The following ANK1 variants were observed in gnomAD, a reference collection of about 807,000 sequenced individuals.
ANK1 encodes the protein ankyrin-1.
In ANK1, 51 loss-of-function variants were observed where a neutral mutation model predicts 210.4. The observed-to-expected ratio is 0.24, with a 90% CI of 0.19 to 0.31. The LOEUF is 0.31. Ranked by LOEUF, ANK1 falls within the 10% of genes least tolerant of loss-of-function variation. The pLI is 1.00. For missense variants in ANK1, 2,051 were observed against 2,504.4 expected, an observed-to-expected ratio of 0.82 and a Z score of 3.86; for synonymous variants, 967 against 1,025.9, an observed-to-expected ratio of 0.94 and a Z score of 1.10.
intron 1 of ANK1, among the ~76,000 whole-genome samples, chr8:41,873,377 G>T (rs1362801330): frequency 6.6e-6 from 1 of 152,194 alleles, no homozygotes; most frequent in Non-Finnish European, 1.5e-5. Flanking sequence ...ACTGAAGATG[G>T]TGATGTTAGC....
In ANK1 at chr8:41,704,307, C is replaced by T. The variant is rs1823948049; in HGVS notation, c.2196+67G>A. On this transcript the variant is annotated intron_variant, in intron 19 of 42. Transcript: ENST00000289734. This position sits in a 1 kb window ranked among gnomAD's most constrained non-coding sequence, Gnocchi z 4.1. ...AAACCCTAGTGCTCCCAGAGCAGCT[C>T]TGGCTTTACCCTGATGTGGCATGGA... The T allele has an allele frequency of 6.6e-7, 1 of 1,517,306 alleles. No homozygotes were observed. Among genetic ancestry groups the T allele is most frequent in the African/African-American group, 1.4e-5 (1 of 72,828 alleles). 94.0% of individuals were successfully genotyped at this position (1,517,306 alleles called of 1,614,324 possible). A position where few individuals can be genotyped will look rare whatever the true frequency, so the allele number is the denominator to read the frequency against.
At chr8:41,749,617 CTTT>C (rs368621785) in intron 2 of ANK1, among the ~76,000 whole-genome samples, 1 of 123,854 alleles carries the variant, frequency 8.1e-6, no homozygotes, top group Admixed American at 8.2e-5. Flanking sequence ...ACTTCTTCTT[CTTT>C]TTTTTTTTTG....
chr8:41,704,102 C>T lies in ANK1; in HGVS notation c.2234G>A (p.Gly745Glu), dbSNP rs763653903. The change falls in exon 20 of 43, where the codon GGA becomes GAA. Residue 745 changes from glycine to glutamate, a missense_variant. By Grantham distance (98) the Gly-to-Glu change is moderately conservative. Around this residue, in one of 6 missense-constraint regions of ANK1, gnomAD observed 1,413 missense variants for 1,707.4 expected, o/e 0.83. Transcript: ENST00000289734. The surrounding 1 kb of genome is among the most constrained non-coding windows in gnomAD (Gnocchi z 4.1). ...AAGCAGAGTCACGATGTCTGTGTGT[C>T]CCTGCTGGGCTGCCTGGTGCAGGGG... ...YSPLHQAAQQ[G>E]HTDIVTLLLK... 22 of 1,614,056 alleles carry T rather than the reference C, an allele frequency of 1.4e-5. No homozygotes were observed. The highest frequency in any genetic ancestry group is 1.9e-5 in the Non-Finnish European group (22 of 1,180,044).
chr8:41,818,433 A>G (rs1803669658), intron 1 of ANK1, among the ~76,000 whole-genome samples: 1 of 152,210 alleles, frequency 6.6e-6, no homozygotes, highest in African/African-American at 2.4e-5. Context: ...AAAGCTAATC[A>G]TTAAATCCAT....
chr8:41,873,985 T>A (rs553198851), intron 1 of ANK1, among the ~76,000 whole-genome samples: 2 of 152,048 alleles, frequency 1.3e-5, no homozygotes, highest in African/African-American at 4.8e-5. Context: ...GCACACACAA[T>A]GCACACATGC....
intron 1 of ANK1, among the ~76,000 whole-genome samples, chr8:41,792,939 A>G (rs1479690773): frequency 6.6e-6 from 1 of 152,242 alleles, no homozygotes; most frequent in Non-Finnish European, 1.5e-5. Context: ...GCACTGTGCT[A>G]AGTGCCAAGG....
intron 37 of ANK1, among the ~76,000 whole-genome samples, chr8:41,675,905 A>G (rs1282146690): frequency 1.3e-5 from 2 of 152,136 alleles, no homozygotes; most frequent in African/African-American, 2.4e-5. Flanking sequence ...CTTTCACTCA[A>G]CGTAGTCAAT....
chr8:41,788,652 C>T (rs1405635816), intron 1 of ANK1, among the ~76,000 whole-genome samples: 1 of 152,178 alleles, frequency 6.6e-6, no homozygotes, highest in Admixed American at 6.5e-5. Context: ...TACAAAGTCG[C>T]TACTCAAGAA....
chr8:41,847,942 G>C (rs1810377621), intron 1 of ANK1, among the ~76,000 whole-genome samples: 1 of 152,112 alleles, frequency 6.6e-6, no homozygotes, highest in African/African-American at 2.4e-5. Context: ...GCCGAGGCGG[G>C]CAGATCACTT....
chr8:41,784,489 C>T (rs1183024663), intron 1 of ANK1, among the ~76,000 whole-genome samples: 1 of 152,200 alleles, frequency 6.6e-6, no homozygotes, highest in South Asian at 2.1e-4. Flanking sequence ...AATGCTACCA[C>T]CTACCGCAAG....
intron 37 of ANK1, among the ~76,000 whole-genome samples, chr8:41,683,076 G>T (rs563104910): frequency 2.0e-5 from 3 of 149,374 alleles, no homozygotes; most frequent in Admixed American, 6.6e-5. Context: ...ACATGAACAC[G>T]TGCACACACA....
chr8:41,867,652 C>A (rs932906264), intron 1 of ANK1, among the ~76,000 whole-genome samples: 1 of 152,024 alleles, frequency 6.6e-6, no homozygotes, highest in Non-Finnish European at 1.5e-5. Flanking sequence ...CTAGGTGATA[C>A]CCTCCTTTTT....
rs1236376962 is a variant in ANK1 at position 41,865,732 on chromosome 8, C to G, written c.126+30623G>C. On this transcript the variant is annotated intron_variant, in intron 1 of 42. Transcript: ENST00000265709. ...CCTCTCCCTCCTCCCCCCAGCAGTC[C>G]CAGGTAGGGCCTCTGGAAGGTTCAG... is the stretch of plus-strand genomic sequence containing the variant. Among the ~76,000 whole-genome samples, 3 of 152,214 alleles carry G rather than the reference C, an allele frequency of 2.0e-5. No individual in the cohort carries two copies. In the East Asian group the frequency reaches 5.8e-4, roughly 29 times the overall value.
At chr8:41,750,629 T>C (rs549311986) in intron 2 of ANK1, among the ~76,000 whole-genome samples, 1 of 152,126 alleles carries the variant, frequency 6.6e-6, no homozygotes, top group South Asian at 2.1e-4. Flanking sequence ...TTAAGCAGGA[T>C]CCTGACACAG....
chr8:41,863,621 G>T (rs1044376000), intron 1 of ANK1, among the ~76,000 whole-genome samples: 1 of 152,170 alleles, frequency 6.6e-6, no homozygotes, highest in Non-Finnish European at 1.5e-5. Flanking sequence ...TAGCATTGTT[G>T]CTTTGGGTTG....
intron 1 of ANK1, among the ~76,000 whole-genome samples, chr8:41,792,633 G>A (rs567010430): frequency 2.0e-5 from 3 of 152,338 alleles, no homozygotes; most frequent in East Asian, 3.9e-4. Flanking sequence ...GCGTGGAGGA[G>A]AGATGACATA....
chr8:41,668,568 G>T lies in ANK1; in HGVS notation c.5097-4C>A, dbSNP rs762266622. The T allele has an allele frequency of 1.2e-6, 2 of 1,609,252 alleles. No homozygotes were observed. Among genetic ancestry groups the T allele is most frequent in the South Asian group, 2.2e-5 (2 of 90,968 alleles). ...GTCTGCATCCCAGTCCTGCAGTCTG[G>T]GGTCCAGAAGAAGCAGCAGATGGCC... On this transcript the variant is annotated splice_region_variant and splice_polypyrimidine_tract_variant and intron_variant, in intron 38 of 42. Coordinates refer to ENST00000289734, the MANE Select transcript of ANK1 (RefSeq NM_000037.4).
intron 1 of ANK1, among the ~76,000 whole-genome samples, chr8:41,873,484 T>G (rs1024065923): frequency 2.6e-5 from 4 of 152,180 alleles, no homozygotes; most frequent in Admixed American, 1.3e-4. Context: ...CTTATCCCCA[T>G]TTTGCAGACA....
At chr8:41,718,305 C>T in intron 10 of ANK1, 101 bp from the exon 11 acceptor site, 1 of 1,076,930 alleles carries the variant, frequency 9.3e-7, no homozygotes, top group African/African-American at 1.6e-5. Context: ...AGCTGCTGCC[C>T]AGGCCACCAG....
Sources: gnomAD v4.1 joint callset for allele counts (sites outside exome capture counted in the v4.1 genomes callset) on GRCh38, gnomAD v4.1.1 for gene constraint, gnomAD v4.1.1 regional missense constraint, Gnocchi (gnomAD v3.1) non-coding constraint, MANE v1.5 for transcripts, NCBI Gene and HGNC (gene_info 2026-07-23, HGNC 2026-07-21) for gene names.